Variants in ZBTB2 observed in about 807,000 individuals in gnomAD.
ZBTB2 encodes zinc finger and BTB domain containing 2.
A neutral mutation model predicts 39.5 loss-of-function variants in ZBTB2; 2 were observed. The ratio of observed to expected loss-of-function variants is 0.05; its 90% CI spans 0.02 to 0.16. ZBTB2 has a LOEUF of 0.16. ZBTB2 is among the 10% of genes least tolerant of loss of function. The pLI is 1.00. For synonymous variants in ZBTB2, 251 were observed against 256.6 expected, an observed-to-expected ratio of 0.98 and a Z score of 0.21; for missense variants, 391 against 653.0, an observed-to-expected ratio of 0.60 and a Z score of 4.37.
chr6:151,373,751 G>C (rs1778835156), intron 1 of ZBTB2, 102 bp from the exon 2 acceptor site: 55 of 1,014,300 alleles, frequency 5.4e-5, no homozygotes, highest in Non-Finnish European at 7.4e-5. Flanking sequence ...TGTCATCATA[G>C]CTAACGTGTC....
intron 1 of ZBTB2, among the ~76,000 whole-genome samples, chr6:151,388,376 TG>T (rs1779208779): frequency 6.6e-6 from 1 of 152,340 alleles, no homozygotes; most frequent in East Asian, 1.9e-4. Flanking sequence ...CTAAAGCTGC[TG>T]ATCCCAGGCC....
intron 2 of ZBTB2, 30 bp downstream of exon 2, chr6:151,373,435 C>A (rs1209789111): frequency 6.2e-7 from 1 of 1,612,966 alleles, no homozygotes; most frequent in African/African-American, 1.3e-5. Context: ...AGTCTACAGT[C>A]ATTAGGTTAT....
intron 1 of ZBTB2, among the ~76,000 whole-genome samples, chr6:151,390,979 A>C (rs1271904568): frequency 6.7e-6 from 1 of 148,432 alleles, no homozygotes; most frequent in Non-Finnish European, 1.5e-5. Flanking sequence ...GGGACCGGCC[A>C]CGGGGAACCG....
At chr6:151,374,082 A>G (rs552107324) in intron 1 of ZBTB2, among the ~76,000 whole-genome samples, 6 of 152,160 alleles carry the variant, frequency 3.9e-5, no homozygotes, top group Admixed American at 6.5e-5. Context: ...TAAGATTCCA[A>G]ATGGAAATTC....
Position 151,366,201 on chromosome 6 carries a change from T to C in ZBTB2, c.865A>G (p.Ser289Gly), listed in dbSNP as rs200348339. 1.0e-4 allele frequency: 162 copies of C among 1,614,012 alleles called. No homozygotes were observed. Among genetic ancestry groups the C allele is most frequent in the East Asian group, 1.3e-4 (6 of 44,876 alleles). Residue 289 changes from serine (S) to glycine (G), a missense_variant, in exon 3 of 3, where the codon AGT becomes GGT. Ser to Gly is a moderately conservative substitution (Grantham distance 56). Coordinates refer to ENST00000325144, the MANE Select transcript of ZBTB2 (RefSeq NM_020861.3). The surrounding 1 kb of genome is among the most constrained non-coding windows in gnomAD (Gnocchi z 7.1). Reference sequence around the variant, plus strand: ...CTACAGAGAGTCAGGGGGACGCGACTTTCTCCCTGTTGGCTAGATGTGAAA... The same window carrying C: ...CTACAGAGAGTCAGGGGGACGCGACCTTCTCCCTGTTGGCTAGATGTGAAA... ...VPFTSSQQGE[S>G]RVPLTLCSNA...
rs77940085 is a variant in ZBTB2, at chr6:151,381,920, A to C, written c.-12-8271T>G. On this transcript the variant is annotated intron_variant, in intron 1 of 2. Coordinates refer to ENST00000325144, the MANE Select transcript of ZBTB2 (RefSeq NM_020861.3). The stretch of plus-strand genomic sequence containing the variant: ...ATTCAATGCAGTCATACCTTGCTTA[A>C]CAACAGAGATACGTTCTGAGAAATG... 8.0e-3 allele frequency among the ~76,000 whole-genome samples: 1,220 copies of C among 152,348 alleles called. 8 individuals are homozygous for C. The highest frequency in any genetic ancestry group is 0.013 in the Non-Finnish European group (890 of 68,024).
intron 1 of ZBTB2, among the ~76,000 whole-genome samples, chr6:151,386,576 C>G (rs547331640): frequency 6.6e-6 from 1 of 152,208 alleles, no homozygotes; most frequent in East Asian, 1.9e-4. Flanking sequence ...TAATAATCCA[C>G]CAGAGTGGAG....
intron 1 of ZBTB2, among the ~76,000 whole-genome samples, chr6:151,381,774 C>G (rs1779039354): frequency 6.6e-6 from 1 of 152,290 alleles, no homozygotes; most frequent in African/African-American, 2.4e-5. Flanking sequence ...GTGTTGCTCC[C>G]TCTTTATTTT....
Position 151,381,548 on chromosome 6 carries a change from AAAAAT to A in ZBTB2, c.-12-7904_-12-7900del, listed in dbSNP as rs542296730. 1.9e-3 allele frequency among the ~76,000 whole-genome samples: 287 copies of A among 151,960 alleles called. 2 individuals carry two copies. Among genetic ancestry groups the A allele is most frequent in the African/African-American group, 6.5e-3 (268 of 41,516 alleles). On this transcript the variant is annotated intron_variant, in intron 1 of 2. Coordinates refer to ENST00000325144, the MANE Select transcript of ZBTB2 (RefSeq NM_020861.3). ...AAAAATAAAAAATAAAAATAAAAAT[AAAAAT>A]AAAATAAATAAATAAAATCCTTCTG...
chr6:151,378,734 G>A (rs186077916), intron 1 of ZBTB2, among the ~76,000 whole-genome samples: 30 of 152,308 alleles, frequency 2.0e-4, no homozygotes, highest in Non-Finnish European at 4.0e-4. Flanking sequence ...GGCAGCTTGA[G>A]GTCCCACAGC....
chr6:151,372,906 G>A (rs1778815383), intron 2 of ZBTB2, among the ~76,000 whole-genome samples: 1 of 152,052 alleles, frequency 6.6e-6, no homozygotes, highest in Non-Finnish European at 1.5e-5. Context: ...TGTAATCCCA[G>A]CACTTTGGGA....
intron 1 of ZBTB2, among the ~76,000 whole-genome samples, chr6:151,390,120 G>A (rs1779250647): frequency 6.6e-6 from 1 of 152,074 alleles, no homozygotes; most frequent in Admixed American, 6.5e-5. Context: ...CGCAGATGGC[G>A]CGTCGGGCGG....
At position 151,379,609 on chromosome 6, in the gene ZBTB2, G is replaced by C. The variant is rs1221091572; in HGVS notation, c.-12-5960C>G. Among the ~76,000 whole-genome samples the C allele has an allele frequency of 2.4e-5, 3 of 127,168 alleles. No homozygotes were observed. In the Admixed American group the frequency reaches 2.9e-4, roughly 12 times the overall value. The allele number at this position is 127,168 out of a possible 152,430, so 83.4% of individuals were successfully genotyped here. A position where few individuals can be genotyped will look rare whatever the true frequency, so the allele number is the denominator to read the frequency against. On this transcript the variant is annotated intron_variant, in intron 1 of 2. Transcript: ENST00000325144. ...GTGAGCCATGTTAGCGTGCACTCTA[G>C]CCTGGGAAACAGAGTGAGACCCTGT... is the stretch of plus-strand genomic sequence containing the variant.
At chr6:151,385,663 A>G (rs1184659864) in intron 1 of ZBTB2, among the ~76,000 whole-genome samples, 2 of 152,246 alleles carry the variant, frequency 1.3e-5, no homozygotes, top group Non-Finnish European at 2.9e-5. Flanking sequence ...TGAAGCATAA[A>G]TGAATATTGT....
At chr6:151,385,642 TTTTA>T (rs1345500804) in intron 1 of ZBTB2, among the ~76,000 whole-genome samples, 1 of 152,244 alleles carries the variant, frequency 6.6e-6, no homozygotes, top group African/African-American at 2.4e-5. Context: ...AAGTCCTTGA[TTTTA>T]TTTAAGTGAA....
rs552512162 is a variant in ZBTB2, at chr6:151,377,034, G to A, written c.-12-3385C>T. On this transcript the variant is annotated intron_variant, in intron 1 of 2. Coordinates refer to ENST00000325144, the MANE Select transcript of ZBTB2 (RefSeq NM_020861.3). The stretch of plus-strand genomic sequence containing the variant: ...TAAGAAGAAACGACCTACTGATAAC[G>A]TACAACAACTTGGGTGAATTACACT... 4.6e-5 allele frequency among the ~76,000 whole-genome samples: 7 copies of A among 152,114 alleles called. No homozygotes were observed. In the East Asian group the frequency reaches 9.7e-4, roughly 21 times the overall value.
chr6:151,389,016 G>A (rs1779225021), intron 1 of ZBTB2, among the ~76,000 whole-genome samples: 1 of 152,178 alleles, frequency 6.6e-6, no homozygotes, highest in Admixed American at 6.5e-5. Flanking sequence ...ACTTACGATG[G>A]CTTCAATAAC....
intron 1 of ZBTB2, among the ~76,000 whole-genome samples, chr6:151,379,227 T>C (rs1241294536): frequency 1.3e-5 from 2 of 152,258 alleles, no homozygotes; most frequent in Non-Finnish European, 2.9e-5. Context: ...TTTTTTACTT[T>C]GTATGCCTTT....
At chr6:151,385,040 T>TAA (rs11368957) in intron 1 of ZBTB2, among the ~76,000 whole-genome samples, 5 of 151,748 alleles carry the variant, frequency 3.3e-5, no homozygotes, top group South Asian at 4.2e-4. Flanking sequence ...TATATGAACT[T>TAA]AAAAAAAACC....
Sources: gnomAD v4.1 joint callset for allele counts (sites outside exome capture counted in the v4.1 genomes callset) on GRCh38, gnomAD v4.1.1 for gene constraint, Gnocchi (gnomAD v3.1) non-coding constraint, MANE v1.5 for transcripts, NCBI Gene and HGNC (gene_info 2026-07-23, HGNC 2026-07-21) for gene names.